Variants in ARHGAP21 observed in about 807,000 individuals in gnomAD.
The protein encoded by ARHGAP21 is rho GTPase-activating protein 21.
Under a neutral mutation model 164.6 loss-of-function variants are expected in ARHGAP21, and 38 were observed. That is an observed-to-expected ratio of 0.23 (90% CI 0.18 to 0.30). The LOEUF is 0.30. Among genes scored for constraint, ARHGAP21 ranks in the 10% least tolerant of loss-of-function variants. ARHGAP21 has a pLI of 1.00. For missense variants in ARHGAP21, 1,822 were observed against 2,370.7 expected, an observed-to-expected ratio of 0.77 and a Z score of 4.81; for synonymous variants, 766 against 857.9, an observed-to-expected ratio of 0.89 and a Z score of 1.87.
At chr10:24,592,035 G>A in intron 21 of ARHGAP21, 23 bp from the exon 22 acceptor site, 3 of 1,525,274 alleles carry the variant, frequency 2.0e-6, no homozygotes, top group Non-Finnish European at 2.6e-6. Context: ...ATGATACTGG[G>A]AAATACCAGA....
Position 24,584,985 on chromosome 10 carries a change from C to A in ARHGAP21, c.5304G>T (p.Arg1768=), listed in dbSNP as rs190250855. 7.5e-5 allele frequency: 121 copies of A among 1,613,994 alleles called. 1 individual carries two copies. In the Admixed American group the frequency reaches 1.5e-3, roughly 21 times the overall value. ...EPTWKTKIAD[R]LKLRPRAPAD... Reference sequence around the variant, plus strand: ...CAGGGGCTCTGGGTCTCAGTTTTAACCGATCTGCTATTTTCGTTTTCCATG... The same window carrying A: ...CAGGGGCTCTGGGTCTCAGTTTTAAACGATCTGCTATTTTCGTTTTCCATG... The change falls in exon 26 of 26, where the codon CGG becomes CGT. Residue 1768 remains arginine (R), a synonymous_variant. Transcript: ENST00000396432.
chr10:24,719,153 C>G (rs1324406792), intron 2 of ARHGAP21, among the ~76,000 whole-genome samples: 1 of 150,760 alleles, frequency 6.6e-6, no homozygotes, highest in Non-Finnish European at 1.5e-5. Flanking sequence ...TTAAGAGGTT[C>G]AGAGTGAGTG....
Position 24,620,432 on chromosome 10 carries a change from A to C in ARHGAP21, c.1463T>G (p.Phe488Cys). The change falls in exon 9 of 26, where the codon TTT becomes TGT. Residue 488 changes from phenylalanine to cysteine, a missense_variant. Physicochemically the swap from Phe to Cys is radical, Grantham distance 205. This residue lies in a region of ARHGAP21 where 1,090 missense variants were observed against 1,378.9 expected (regional missense o/e 0.79). Transcript: ENST00000396432. Reference protein sequence around the residue: ...QGALTSPSVSFSNHRTRSWDY... With the variant: ...QGALTSPSVSCSNHRTRSWDY... ...CCATGAACGAGTTCTATGATTACTA[A>C]AACTAACAGATGGAGACGTCAGTGC... 1 of 1,611,214 alleles carries C rather than the reference A, an allele frequency of 6.2e-7. No homozygotes were observed.
At chr10:24,676,794 C>A (rs1305662469) in intron 2 of ARHGAP21, among the ~76,000 whole-genome samples, 4 of 152,206 alleles carry the variant, frequency 2.6e-5, no homozygotes, top group Non-Finnish European at 5.9e-5. Flanking sequence ...TATTTAACGT[C>A]TCTAAGCCTC....
intron 2 of ARHGAP21, among the ~76,000 whole-genome samples, chr10:24,691,057 A>C (rs1242410785): frequency 2.0e-5 from 3 of 152,290 alleles, no homozygotes; most frequent in Middle Eastern, 3.4e-3. Context: ...ATAGTAGCAG[A>C]ACTCAAAGCA....
intron 4 of ARHGAP21, among the ~76,000 whole-genome samples, chr10:24,657,965 G>C (rs1231379589): frequency 7.2e-6 from 1 of 139,440 alleles, no homozygotes; most frequent in Non-Finnish European, 1.5e-5. Flanking sequence ...TTGTTCACTT[G>C]TTTATCTGCT....
At chr10:24,654,582 AAGGAGAACTACAAACC>A (rs1176789200) in intron 4 of ARHGAP21, among the ~76,000 whole-genome samples, 1 of 152,234 alleles carries the variant, frequency 6.6e-6, no homozygotes, top group Non-Finnish European at 1.5e-5. Flanking sequence ...GGACCTCTTC[AAGGAGAACTACAAACC>A]ACTGCTCAAC....
At chr10:24,685,225 A>T (rs1242931476) in intron 2 of ARHGAP21, among the ~76,000 whole-genome samples, 12 of 152,232 alleles carry the variant, frequency 7.9e-5, no homozygotes, top group Admixed American at 7.9e-4. Flanking sequence ...AAAGGCAGAA[A>T]GAGCCAAATG....
At chr10:24,645,206 C>T (rs1837439704) in intron 4 of ARHGAP21, among the ~76,000 whole-genome samples, 1 of 152,118 alleles carries the variant, frequency 6.6e-6, no homozygotes, top group Admixed American at 6.5e-5. Context: ...TTTCCTTCCT[C>T]CTGATAAACT....
chr10:24,585,504 G>A lies in ARHGAP21; in HGVS notation c.4785C>T (p.Tyr1595=). ...GTCGACTGGAGTCCAGGCTAGTCAAGTATGTAGCAGACGATGTGGTGGAAT... is the reference window on the plus strand; with the variant it reads ...GTCGACTGGAGTCCAGGCTAGTCAAATATGTAGCAGACGATGTGGTGGAAT... ...SDYSTTSSAT[Y]LTSLDSSRLS... Residue 1595 remains tyrosine, a synonymous_variant, in exon 26 of 26, where the codon TAC becomes TAT. Coordinates refer to ENST00000396432, the MANE Select transcript of ARHGAP21 (RefSeq NM_020824.4). The A allele has an allele frequency of 1.9e-6, 3 of 1,614,176 alleles. No homozygotes were observed. The highest frequency in any genetic ancestry group is 2.5e-6 in the Non-Finnish European group (3 of 1,180,046).
intron 9 of ARHGAP21, among the ~76,000 whole-genome samples, chr10:24,611,309 A>G (rs1243755231): frequency 6.6e-6 from 1 of 152,260 alleles, no homozygotes; most frequent in Non-Finnish European, 1.5e-5. Flanking sequence ...TCCTTGGAGA[A>G]CAAAAACTGT....
rs373563407 is a variant in ARHGAP21, at chr10:24,644,559, C to T, written c.269-9456G>A. Among the ~76,000 whole-genome samples the T allele has an allele frequency of 3.7e-4, 57 of 152,270 alleles. No individual in the cohort carries two copies. In the East Asian group the frequency reaches 5.0e-3, roughly 13 times the overall value. ...ACTGAAACTGTTCTCAGTAACTTTA[C>T]CAAACTGCCATTTGTCAGGTCTAGT... On this transcript the variant is annotated intron_variant, in intron 4 of 25. Coordinates refer to ENST00000396432, the MANE Select transcript of ARHGAP21 (RefSeq NM_020824.4).
chr10:24,679,286 T>C (rs1020863161), intron 2 of ARHGAP21, among the ~76,000 whole-genome samples: 4 of 152,192 alleles, frequency 2.6e-5, no homozygotes, highest in African/African-American at 9.7e-5. Flanking sequence ...CAGTGTTTGG[T>C]GAAGGCCTAC....
At chr10:24,623,682 A>C (rs1159529924) in intron 7 of ARHGAP21, among the ~76,000 whole-genome samples, 1 of 152,228 alleles carries the variant, frequency 6.6e-6, no homozygotes, top group African/African-American at 2.4e-5. Context: ...GTTTTATTAT[A>C]TACCACCTGA....
Position 24,665,891 on chromosome 10 carries a change from G to A in ARHGAP21, c.268+1094C>T, listed in dbSNP as rs141514470. Reference sequence around the variant, plus strand: ...AAGGGACACAACAAGTGAATACAACGTGGGATTCCGGAAGAGAACAAGGAT... The same window carrying A: ...AAGGGACACAACAAGTGAATACAACATGGGATTCCGGAAGAGAACAAGGAT... On this transcript the variant is annotated intron_variant, in intron 4 of 25. Coordinates refer to ENST00000396432, the MANE Select transcript of ARHGAP21 (RefSeq NM_020824.4). 3.3e-5 allele frequency among the ~76,000 whole-genome samples: 5 copies of A among 152,324 alleles called. No individual in the cohort carries two copies. The East Asian group carries it at 7.7e-4, about 24-fold the overall frequency.
intron 2 of ARHGAP21, among the ~76,000 whole-genome samples, chr10:24,689,623 C>G (rs1260015124): frequency 6.6e-6 from 1 of 152,040 alleles, no homozygotes; most frequent in Non-Finnish European, 1.5e-5. Flanking sequence ...TGCCTGTAGT[C>G]TCAGCTACCC....
chr10:24,637,866 ATT>A (rs11358986), intron 4 of ARHGAP21, among the ~76,000 whole-genome samples: 27 of 139,676 alleles, frequency 1.9e-4, no homozygotes, highest in Admixed American at 2.2e-4. Context: ...TCTTGCTCAC[ATT>A]TTTTTTTTTT....
intron 8 of ARHGAP21, 113 bp downstream of exon 8, chr10:24,622,620 G>A (rs956308264): frequency 1.1e-5 from 12 of 1,109,254 alleles, no homozygotes; most frequent in Middle Eastern, 2.6e-4. Context: ...AGATTAACAC[G>A]ATAGAGGGAT....
At chr10:24,610,115 G>A (rs560000653) in intron 9 of ARHGAP21, among the ~76,000 whole-genome samples, 2 of 152,144 alleles carry the variant, frequency 1.3e-5, no homozygotes, top group South Asian at 4.1e-4. Flanking sequence ...TGGTGCCCAC[G>A]CCTGTGATCT....
Sources: gnomAD v4.1 joint callset for allele counts (sites outside exome capture counted in the v4.1 genomes callset) on GRCh38, gnomAD v4.1.1 for gene constraint, gnomAD v4.1.1 regional missense constraint, MANE v1.5 for transcripts, NCBI Gene and HGNC (gene_info 2026-07-23, HGNC 2026-07-21) for gene names.